The following TMEM278 variants were observed in gnomAD, a reference collection of about 807,000 sequenced individuals.
TMEM278 encodes transmembrane protein 278.
the TMEM278 span, chr1:1,426,421 G>T: frequency 7.5e-7 from 1 of 1,337,398 alleles, no homozygotes; most frequent in South Asian, 1.8e-5. Flanking sequence ...GACTAGCTGG[G>T]GTCCTGGGGA....
the TMEM278 span, among the ~76,000 whole-genome samples, chr1:1,429,220 C>T: frequency 6.6e-6 from 1 of 151,876 alleles, no homozygotes; most frequent in South Asian, 2.1e-4. Flanking sequence ...TGGTGGTGCA[C>T]ACCTGTAGTC....
chr1:1,428,890 C>G, the TMEM278 span, among the ~76,000 whole-genome samples: 1 of 151,692 alleles, frequency 6.6e-6, no homozygotes, highest in Admixed American at 6.6e-5. Flanking sequence ...GTACCAGCTA[C>G]TCGGGAGGCT....
the TMEM278 span, chr1:1,426,199 G>T: frequency 7.1e-7 from 1 of 1,417,362 alleles, no homozygotes; most frequent in Non-Finnish European, 9.3e-7. Flanking sequence ...CGCCCATGCT[G>T]CCCCGGGGAC....
chr1:1,430,197 G>A, the TMEM278 span, among the ~76,000 whole-genome samples: 5 of 152,192 alleles, frequency 3.3e-5, no homozygotes, highest in African/African-American at 1.2e-4. Flanking sequence ...GAGACTCGGA[G>A]ATATTTACTT....
At chr1:1,426,405 G>T in the TMEM278 span, 1 of 1,356,868 alleles carries the variant, frequency 7.4e-7, no homozygotes, top group Non-Finnish European at 9.5e-7. Context: ...TGCCCCGTGG[G>T]CGGGGGACTA....
chr1:1,427,738 G>T, the TMEM278 span: 1 of 1,300,956 alleles, frequency 7.7e-7, no homozygotes, highest in Non-Finnish European at 9.7e-7. Context: ...GGACCCCGCC[G>T]CCCCCCGGGG....
At chr1:1,426,870 G>A in the TMEM278 span, among the ~76,000 whole-genome samples, 1 of 151,992 alleles carries the variant, frequency 6.6e-6, no homozygotes, top group Non-Finnish European at 1.5e-5. Flanking sequence ...TGATGAGAGG[G>A]CGCAGGAGGG....
chr1:1,426,626 G>C, the TMEM278 span, among the ~76,000 whole-genome samples: 1 of 152,136 alleles, frequency 6.6e-6, no homozygotes, highest in Non-Finnish European at 1.5e-5. Flanking sequence ...TGTACCAGGG[G>C]CCACCAGGGC....
At chr1:1,427,905 C>G in the TMEM278 span, 1 of 1,011,786 alleles carries the variant, frequency 9.9e-7, no homozygotes, top group Non-Finnish European at 1.3e-6. Flanking sequence ...GGGCGCGCAG[C>G]GCTCCCGGCT....
the TMEM278 span, among the ~76,000 whole-genome samples, chr1:1,429,888 G>A: frequency 1.3e-5 from 2 of 152,348 alleles, no homozygotes; most frequent in African/African-American, 2.4e-5. Context: ...TAGAGACAGA[G>A]TCTTGCTCTG....
At chr1:1,427,121 ACCGCC>A in the TMEM278 span, among the ~76,000 whole-genome samples, 1 of 115,384 alleles carries the variant, frequency 8.7e-6, no homozygotes, top group African/African-American at 3.4e-5. Context: ...CGGCCCCTCT[ACCGCC>A]CCGCCCCGCT....
At chr1:1,427,035 C>T in the TMEM278 span, among the ~76,000 whole-genome samples, 7 of 146,884 alleles carry the variant, frequency 4.8e-5, no homozygotes, top group Non-Finnish European at 1.1e-4. Flanking sequence ...CCCCGCCCTG[C>T]CTCTCCTTCG....
the TMEM278 span, chr1:1,426,313 C>T: frequency 1.9e-4 from 279 of 1,483,964 alleles, no homozygotes; most frequent in South Asian, 2.1e-4. Context: ...TCCTGCTGCC[C>T]GCCGCAGCCT....
the TMEM278 span, among the ~76,000 whole-genome samples, chr1:1,429,037 T>C: frequency 8.2e-5 from 12 of 146,194 alleles, no homozygotes; most frequent in Admixed American, 7.5e-4. Flanking sequence ...GGCGTGGTGG[T>C]GGGCACCTAT....
At chr1:1,427,935 G>T in the TMEM278 span, 5 of 629,490 alleles carry the variant, frequency 7.9e-6, no homozygotes, top group African/African-American at 2.1e-5. Context: ...GGCCTCCCCC[G>T]CCCGCAGCCC....
At chr1:1,426,936 C>A in the TMEM278 span, among the ~76,000 whole-genome samples, 1 of 151,864 alleles carries the variant, frequency 6.6e-6, no homozygotes, top group Non-Finnish European at 1.5e-5. Context: ...CCTCAAGGGA[C>A]CCTGCTCAGC....
the TMEM278 span, chr1:1,426,396 GC>G: frequency 7.3e-7 from 1 of 1,365,442 alleles, no homozygotes; most frequent in Non-Finnish European, 9.5e-7. Flanking sequence ...GTGAGCCTGT[GC>G]CCCGTGGGCG....
At chr1:1,430,007 A>C in the TMEM278 span, among the ~76,000 whole-genome samples, 2 of 152,124 alleles carry the variant, frequency 1.3e-5, no homozygotes, top group African/African-American at 4.8e-5. Context: ...ACTAGAGTGC[A>C]CCACCACACC....
At chr1:1,429,673 TCC>T in the TMEM278 span, among the ~76,000 whole-genome samples, 1 of 152,140 alleles carries the variant, frequency 6.6e-6, no homozygotes, top group Non-Finnish European at 1.5e-5. Flanking sequence ...CAGAGACTAT[TCC>T]CCTTTTCCAG....
Sources: gnomAD v4.1 joint callset for allele counts (sites outside exome capture counted in the v4.1 genomes callset) on GRCh38, gnomAD v4.1.1 for gene constraint, MANE v1.5 for transcripts, NCBI Gene and HGNC (gene_info 2026-07-23, HGNC 2026-07-21) for gene names.